Variants in LONP2 observed in about 807,000 individuals in gnomAD.
The protein encoded by LONP2 is lon protease homolog 2, peroxisomal.
In LONP2, 60 loss-of-function variants were observed where a neutral mutation model predicts 85.6. The observed-to-expected ratio is 0.70, with a 90% confidence interval of 0.57 to 0.87. The LOEUF is 0.87. Among genes scored for constraint, LONP2 ranks in the 40% least tolerant of loss-of-function variants. The probability of loss-of-function intolerance (pLI) is 0.00; values close to 1 mark genes in which losing one functional copy is unlikely to be tolerated. For missense variants in LONP2, 860 were observed against 1,063.5 expected, an observed-to-expected ratio of 0.81 and a Z score of 2.66; for synonymous variants, 395 against 389.7, an observed-to-expected ratio of 1.01 and a Z score of -0.16.
At chr16:48,309,609 T>G (rs1472277752) in intron 11 of LONP2, among the ~76,000 whole-genome samples, 3 of 152,176 alleles carry the variant, frequency 2.0e-5, no homozygotes, top group Non-Finnish European at 2.9e-5. Context: ...GACCCAAAGG[T>G]TGTCCAGGAG....
In LONP2 at chr16:48,264,607, A is replaced by G. The variant is rs192703398; in HGVS notation, c.982+1735A>G. On this transcript the variant is annotated intron_variant, in intron 6 of 14. Coordinates refer to ENST00000285737, the MANE Select transcript of LONP2 (RefSeq NM_031490.5). ...AATTATCACATAGTCCTGAGGCCACATACATCCTCCTTGGCTGACAGGATT... is the reference window on the plus strand; with the variant it reads ...AATTATCACATAGTCCTGAGGCCACGTACATCCTCCTTGGCTGACAGGATT... 2.0e-3 allele frequency among the ~76,000 whole-genome samples: 305 copies of G among 152,334 alleles called. 1 individual carries two copies. Among genetic ancestry groups the G allele is most frequent in the African/African-American group, 7.1e-3 (294 of 41,584 alleles).
intron 11 of LONP2, among the ~76,000 whole-genome samples, chr16:48,310,501 G>T (rs1973008321): frequency 6.6e-6 from 1 of 152,018 alleles, no homozygotes; most frequent in South Asian, 2.1e-4. Context: ...ACAGGTGCAT[G>T]CCACCATGCC....
rs1017031805 is a variant in LONP2 at position 48,277,233 on chromosome 16, T to G, written c.1242-105T>G. The G allele has an allele frequency of 2.8e-6, 3 of 1,070,050 alleles. No individual in the cohort carries two copies. The Admixed American group carries it at 6.7e-5, about 24-fold the overall frequency. The allele number at this position is 1,070,050 out of a possible 1,614,324, so 66.3% of individuals were successfully genotyped here. ...ATAGTACCTCTTTGCTATATTATAG[T>G]GATAGCTAAATGATCTTTTCACATT... On this transcript the variant is annotated intron_variant, in intron 7 of 14. Transcript: ENST00000285737.
chr16:48,255,656 A>C (rs184108601), intron 2 of LONP2, among the ~76,000 whole-genome samples: 49 of 149,828 alleles, frequency 3.3e-4, no homozygotes, highest in African/African-American at 1.2e-3. Context: ...CCCATGTGTC[A>C]GGGGGCGGTG....
chr16:48,277,541 A>T, intron 8 of LONP2, 62 bp downstream of exon 8: 4 of 1,542,628 alleles, frequency 2.6e-6, no homozygotes, highest in Admixed American at 3.6e-5. Context: ...AGGGTTGATA[A>T]TCATATTCAA....
At chr16:48,334,759 G>A in intron 12 of LONP2, 1 of 553,178 alleles carries the variant, frequency 1.8e-6, no homozygotes, top group Non-Finnish European at 3.6e-6. Context: ...TGCCCTACCT[G>A]TCTTGAATTT....
intron 8 of LONP2, among the ~76,000 whole-genome samples, chr16:48,287,842 T>C (rs1199155165): frequency 6.6e-6 from 1 of 152,214 alleles, no homozygotes; most frequent in East Asian, 1.9e-4. Context: ...TTGACAATTT[T>C]TGCTAGTGCT....
rs1960002721 is a variant in LONP2, at chr16:48,347,513, C to T, written c.1945C>T (p.Gln649Ter). The T allele has an allele frequency of 1.2e-6, 2 of 1,614,212 alleles. No homozygotes were observed. The highest frequency in any genetic ancestry group is 1.7e-6 in the Non-Finnish European group (2 of 1,180,018). The change falls in exon 13 of 15, where the codon CAG becomes TAG. Residue 649 changes from glutamine (Q) to a stop codon, truncating the protein, a stop_gained. Transcript: ENST00000285737. LOFTEE classifies it high-confidence loss of function. ...TCATTCTTCTTCTTTCAAGGTATCT[C>T]AGCGTTTGAGTCAGCCAGGAGTAGC... ...GPPMYEMEVS[Q>*]RLSQPGVAIG...
chr16:48,250,712 C>T (rs192893298), intron 1 of LONP2, among the ~76,000 whole-genome samples: 4 of 152,304 alleles, frequency 2.6e-5, no homozygotes, highest in Admixed American at 2.6e-4. Context: ...ATTGTACAAA[C>T]AGTGATGAAT....
At chr16:48,334,588 G>T (rs980988399) in intron 12 of LONP2, 1 of 661,410 alleles carries the variant, frequency 1.5e-6, no homozygotes, top group Non-Finnish European at 2.7e-6. Flanking sequence ...TCTTGCAGTT[G>T]TATTTCTGGG....
chr16:48,299,403 G>C (rs1245663902), intron 9 of LONP2, among the ~76,000 whole-genome samples: 1 of 151,720 alleles, frequency 6.6e-6, no homozygotes, highest in African/African-American at 2.4e-5. Flanking sequence ...TGGCCAACTT[G>C]GCAAAGCCCT....
intron 8 of LONP2, among the ~76,000 whole-genome samples, chr16:48,281,023 A>G (rs981090146): frequency 6.6e-6 from 1 of 152,180 alleles, no homozygotes; most frequent in African/African-American, 2.4e-5. Context: ...GAGTTTGGAG[A>G]CCCAAGTATA....
At chr16:48,320,881 T>C (rs1973249441) in intron 11 of LONP2, among the ~76,000 whole-genome samples, 1 of 152,146 alleles carries the variant, frequency 6.6e-6, no homozygotes, top group Non-Finnish European at 1.5e-5. Context: ...GACAGGAAAA[T>C]AAAATATTAT....
At chr16:48,281,025 C>T (rs1192082984) in intron 8 of LONP2, among the ~76,000 whole-genome samples, 1 of 151,902 alleles carries the variant, frequency 6.6e-6, no homozygotes, top group Non-Finnish European at 1.5e-5. Flanking sequence ...GTTTGGAGAC[C>T]CAAGTATAGT....
intron 12 of LONP2, among the ~76,000 whole-genome samples, 196 bp from the exon 13 acceptor site, chr16:48,347,306 AAAGAG>A (rs1959994898): frequency 6.6e-6 from 1 of 152,226 alleles, no homozygotes. Flanking sequence ...GATAAATGTC[AAAGAG>A]GAAGTTTAGG....
At chr16:48,329,215 G>A (rs900328265) in intron 11 of LONP2, among the ~76,000 whole-genome samples, 2 of 152,132 alleles carry the variant, frequency 1.3e-5, no homozygotes, top group Non-Finnish European at 2.9e-5. Context: ...GTCAACCATC[G>A]TCCAAAAATA....
rs370982395 is a variant in LONP2, at chr16:48,270,113, A to G, written c.1080A>G (p.Arg360=). Residue 360 remains arginine (R), a synonymous_variant, in exon 7 of 15, where the codon AGA becomes AGG. Coordinates refer to ENST00000285737, the MANE Select transcript of LONP2 (RefSeq NM_031490.5). ...KKRVLEYLAV[R]QLKNNLKGPI... is the part of the protein sequence containing the mutation. ...GAGTACTGGAATACTTGGCTGTCAGACAGCTCAAAAATAACCTGAAGGGCC... is the reference window on the plus strand; with the variant it reads ...GAGTACTGGAATACTTGGCTGTCAGGCAGCTCAAAAATAACCTGAAGGGCC... 6.2e-6 allele frequency: 10 copies of G among 1,613,934 alleles called. No individual in the cohort carries two copies. In the African/African-American group the frequency reaches 1.2e-4, roughly 19 times the overall value.
intron 11 of LONP2, among the ~76,000 whole-genome samples, chr16:48,326,679 G>A (rs953533002): frequency 6.6e-6 from 1 of 152,072 alleles, no homozygotes; most frequent in Non-Finnish European, 1.5e-5. Flanking sequence ...AAGAGCTACC[G>A]AGAACTACCA....
At chr16:48,360,359 GA>G (rs1457870837), downstream of LONP2, among the ~76,000 whole-genome samples, 1 of 151,994 alleles carries the variant, frequency 6.6e-6, no homozygotes, top group Non-Finnish European at 1.5e-5. Flanking sequence ...CAGGGCATGG[GA>G]AAGACTAATC....
Sources: gnomAD v4.1 joint callset for allele counts (sites outside exome capture counted in the v4.1 genomes callset) on GRCh38, gnomAD v4.1.1 for gene constraint, MANE v1.5 for transcripts, NCBI Gene and HGNC (gene_info 2026-07-23, HGNC 2026-07-21) for gene names.